Variants in HECTD2 observed in about 807,000 individuals in gnomAD.
The protein encoded by HECTD2 is HECT domain E3 ubiquitin protein ligase 2.
In HECTD2, 35 loss-of-function variants were observed where a neutral mutation model predicts 103.2. The ratio of observed to expected loss-of-function variants is 0.34; its 90% CI spans 0.26 to 0.45. The LOEUF is 0.45. Ranked by LOEUF, HECTD2 falls within the 20% of genes least tolerant of loss-of-function variation. The pLI is 1.00. For missense variants in HECTD2, 596 were observed against 937.4 expected, an observed-to-expected ratio of 0.64 and a Z score of 4.76; for synonymous variants, 281 against 329.9, an observed-to-expected ratio of 0.85 and a Z score of 1.61.
chr10:91,464,293 G>A (rs2133213805), intron 5 of HECTD2, among the ~76,000 whole-genome samples: 1 of 152,314 alleles, frequency 6.6e-6, no homozygotes, highest in Admixed American at 6.5e-5. Context: ...GGTAAACAGA[G>A]AAGGTGTTTA....
At chr10:91,502,524 C>T (rs1251651637) in intron 20 of HECTD2, among the ~76,000 whole-genome samples, 4 of 152,132 alleles carry the variant, frequency 2.6e-5, no homozygotes, top group Non-Finnish European at 5.9e-5. Context: ...TCCAAGTAAT[C>T]ACACATGGTA....
At chr10:91,476,068 G>A (rs1190786810) in intron 5 of HECTD2, among the ~76,000 whole-genome samples, 1 of 152,208 alleles carries the variant, frequency 6.6e-6, no homozygotes, top group African/African-American at 2.4e-5. Flanking sequence ...GCAAAGTGGA[G>A]AAGAACAGCA....
At chr10:91,485,043 C>A in intron 9 of HECTD2, 137 bp from the exon 10 acceptor site, 1 of 567,738 alleles carries the variant, frequency 1.8e-6, no homozygotes, top group African/African-American at 2.0e-5. Flanking sequence ...TTACCCCTTT[C>A]ATTTGGAGCT....
chr10:91,504,897 AAG>A (rs1177858300), intron 20 of HECTD2, among the ~76,000 whole-genome samples: 8 of 152,364 alleles, frequency 5.3e-5, no homozygotes, highest in African/African-American at 1.9e-4. Context: ...TTTACCCTCA[AAG>A]AGAAGCCCAT....
intron 10 of HECTD2, chr10:91,486,422 A>G (rs1052408676): frequency 6.6e-6 from 1 of 152,210 alleles, no homozygotes; most frequent in African/African-American, 2.4e-5. Flanking sequence ...TTTCACTGAC[A>G]ACAACATCTT....
At chr10:91,474,783 G>A (rs1357794292) in intron 5 of HECTD2, among the ~76,000 whole-genome samples, 1 of 152,218 alleles carries the variant, frequency 6.6e-6, no homozygotes, top group Admixed American at 6.5e-5. Context: ...TTCAGATACT[G>A]ATAAGTGCTT....
At chr10:91,421,935 G>C (rs1210190161) in intron 1 of HECTD2, among the ~76,000 whole-genome samples, 6 of 152,044 alleles carry the variant, frequency 3.9e-5, no homozygotes. Context: ...TAACAATTTG[G>C]TCATTTCTTG....
At chr10:91,429,840 C>T (rs1589470149) in intron 2 of HECTD2, among the ~76,000 whole-genome samples, 2 of 152,154 alleles carry the variant, frequency 1.3e-5, no homozygotes, top group South Asian at 4.1e-4. Context: ...CTCCTGGATT[C>T]ATTAATTTTT....
At chr10:91,433,799 A>C (rs1843998461) in intron 2 of HECTD2, among the ~76,000 whole-genome samples, 1 of 151,924 alleles carries the variant, frequency 6.6e-6, no homozygotes, top group Admixed American at 6.6e-5. Flanking sequence ...TTCGTGGTGC[A>C]TGTAGTCTAT....
chr10:91,443,725 C>T (rs929478322), intron 2 of HECTD2, among the ~76,000 whole-genome samples: 3 of 152,066 alleles, frequency 2.0e-5, no homozygotes, highest in Non-Finnish European at 4.4e-5. Flanking sequence ...CTAGATGTTC[C>T]CAGATGATGC....
intron 5 of HECTD2, among the ~76,000 whole-genome samples, chr10:91,471,758 G>A (rs987805355): frequency 2.6e-5 from 4 of 152,112 alleles, no homozygotes; most frequent in African/African-American, 9.7e-5. Flanking sequence ...AACCAGTGAG[G>A]TAAGAGAGCA....
At chr10:91,507,844 A>T (rs1847254465) in intron 20 of HECTD2, among the ~76,000 whole-genome samples, 2 of 125,014 alleles carry the variant, frequency 1.6e-5, no homozygotes, top group Non-Finnish European at 3.1e-5. Flanking sequence ...ACAAAGCTGG[A>T]GGCATCACAC....
chr10:91,505,176 A>T (rs970436776), intron 20 of HECTD2, among the ~76,000 whole-genome samples: 1 of 152,140 alleles, frequency 6.6e-6, no homozygotes, highest in African/African-American at 2.4e-5. Context: ...TCATGCCAAA[A>T]TGTAAAGACC....
In HECTD2 at chr10:91,463,900, C is replaced by T. The variant is rs55990545; in HGVS notation, c.600+1716C>T. 5.7e-3 allele frequency among the ~76,000 whole-genome samples: 871 copies of T among 152,274 alleles called. 4 individuals are homozygous for T. The highest frequency in any genetic ancestry group is 0.02 in the African/African-American group (836 of 41,566). On this transcript the variant is annotated intron_variant, in intron 5 of 20. Coordinates refer to ENST00000298068, the MANE Select transcript of HECTD2 (RefSeq NM_182765.6). ...CTTGGCATGATCTCCTAACATGAAGCATATGCATATTCTGTAACCCAACAA... is the reference window on the plus strand; with the variant it reads ...CTTGGCATGATCTCCTAACATGAAGTATATGCATATTCTGTAACCCAACAA...
intron 8 of HECTD2, chr10:91,484,298 A>C (rs940367098): frequency 6.2e-6 from 7 of 1,128,800 alleles, no homozygotes; most frequent in Non-Finnish European, 8.8e-6. Context: ...TACTAACTTT[A>C]TAGTAATTTT....
intron 11 of HECTD2, chr10:91,488,349 G>A (rs575991318): frequency 6.5e-6 from 1 of 152,818 alleles, no homozygotes; most frequent in African/African-American, 2.4e-5. Flanking sequence ...AAATTGTAGA[G>A]CAGTATGAAG....
At chr10:91,482,792 C>G (rs1447466289) in intron 7 of HECTD2, among the ~76,000 whole-genome samples, 175 bp from the exon 8 acceptor site, 4 of 151,960 alleles carry the variant, frequency 2.6e-5, no homozygotes, top group African/African-American at 9.7e-5. Context: ...GCTCTTTTCA[C>G]TGTATAGCCG....
chr10:91,481,000 C>G (rs1341950108), intron 6 of HECTD2, 94 bp from the exon 7 acceptor site: 4 of 745,358 alleles, frequency 5.4e-6, no homozygotes, highest in Non-Finnish European at 8.9e-6. Context: ...CTTTTCTCAA[C>G]TCAGTCTTCA....
intron 7 of HECTD2, among the ~76,000 whole-genome samples, chr10:91,481,751 T>C (rs1846093285): frequency 6.6e-6 from 1 of 151,840 alleles, no homozygotes; most frequent in African/African-American, 2.4e-5. Context: ...ATTATTACCA[T>C]AGCTAGCATA....
Sources: allele counts gnomAD v4.1 joint callset (sites outside exome capture counted in the v4.1 genomes callset), GRCh38; gene constraint gnomAD v4.1.1; transcripts MANE v1.5; gene names NCBI Gene and HGNC (gene_info 2026-07-23, HGNC 2026-07-21).